CCDC62: variants seen among roughly 807,000 people sequenced by gnomAD.
The protein encoded by CCDC62 is coiled-coil domain containing 62.
A neutral mutation model predicts 80.8 loss-of-function variants in CCDC62; 72 were observed. The ratio of observed to expected loss-of-function variants is 0.89; its 90% CI spans 0.74 to 1.08. CCDC62 has a LOEUF of 1.08. Among genes scored for constraint, CCDC62 ranks in the 50% least tolerant of loss-of-function variants. The probability of loss-of-function intolerance (pLI) is 0.00; values close to 1 mark genes in which losing one functional copy is unlikely to be tolerated. For synonymous variants in CCDC62, 286 were observed against 296.5 expected, an observed-to-expected ratio of 0.96 and a Z score of 0.36; for missense variants, 704 against 809.4, an observed-to-expected ratio of 0.87 and a Z score of 1.58.
At position 122,788,860 on chromosome 12, in the gene CCDC62, A is replaced by G. The variant is rs1457408352; in HGVS notation, c.601A>G (p.Ile201Val). The change falls in exon 5 of 13, where the codon ATT becomes GTT. Residue 201 changes from isoleucine (I) to valine (V), a missense_variant. Coordinates refer to ENST00000253079, the MANE Select transcript of CCDC62 (RefSeq NM_201435.5). ...TGATGCCAAGATGGCGGAGACTTGT[A>G]TTGTGAAAGAAAAGCAAGATTATAA... ...LRDAKMAETC[I>V]VKEKQDYKQK... is the part of the protein sequence containing the mutation. 6.2e-7 allele frequency: 1 copy of G among 1,611,494 alleles called. No individual in the cohort carries two copies. The highest frequency in any genetic ancestry group is 2.2e-5 in the East Asian group (1 of 44,816).
Position 122,777,471 on chromosome 12 carries a change from A to AATGTTTAG in CCDC62, c.37-19_37-18insTGTTTAGA, listed in dbSNP as rs1879536502. The AATGTTTAG allele has an allele frequency of 1.9e-6, 3 of 1,585,354 alleles. No homozygotes were observed. Among genetic ancestry groups the AATGTTTAG allele is most frequent in the Non-Finnish European group, 2.6e-6 (3 of 1,164,954 alleles). ...ATTGATTTCATTCTATTTTGATGTG[A>AATGTTTAG]AACCGCTTTCTATGTTTAGAACATC... On this transcript the variant is annotated intron_variant, in intron 1 of 12. Coordinates refer to ENST00000253079, the MANE Select transcript of CCDC62 (RefSeq NM_201435.5).
intron 3 of CCDC62, 113 bp from the exon 4 acceptor site, chr12:122,785,606 C>G (rs2030162469): frequency 6.9e-6 from 5 of 720,748 alleles, no homozygotes; most frequent in Non-Finnish European, 9.9e-6. Context: ...TTGTTACTAA[C>G]GAGTTAAACA....
intron 3 of CCDC62, among the ~76,000 whole-genome samples, chr12:122,782,050 G>T (rs1414038395): frequency 6.8e-6 from 1 of 146,566 alleles, no homozygotes; most frequent in Non-Finnish European, 1.5e-5. Context: ...AAAAGCGTAT[G>T]TAAGCCAAGC....
intron 3 of CCDC62, among the ~76,000 whole-genome samples, chr12:122,781,905 G>C (rs1463652802): frequency 6.6e-6 from 1 of 151,570 alleles, no homozygotes; most frequent in Non-Finnish European, 1.5e-5. Context: ...TGAGCTGGGT[G>C]TGGGGGTGCA....
intron 8 of CCDC62, 80 bp from the exon 9 acceptor site, chr12:122,801,044 C>A: frequency 7.0e-7 from 1 of 1,435,500 alleles, no homozygotes; most frequent in Non-Finnish European, 9.4e-7. Flanking sequence ...TTTAGCTCTA[C>A]TGAGTTTTGG....
Position 122,801,395 on chromosome 12 carries a change from A to G in CCDC62, c.1249A>G (p.Thr417Ala), listed in dbSNP as rs1401536678. 3 of 1,614,062 alleles carry G rather than the reference A, an allele frequency of 1.9e-6. No homozygotes were observed. The highest frequency in any genetic ancestry group is 1.1e-5 in the South Asian group (1 of 91,076). The change falls in exon 9 of 13, where the codon ACC becomes GCC. Residue 417 changes from threonine (T) to alanine (A), a missense_variant. Physicochemically the swap from Thr to Ala is moderately conservative, Grantham distance 58. Transcript: ENST00000253079. ...CCTCCCTTGGTCTCTGGGAGGAAAA[A>G]CCCAGATTGAACCCGAAAACAAAAT... is the stretch of plus-strand genomic sequence containing the variant. ...HNLPWSLGGK[T>A]QIEPENKITL... is the part of the protein sequence containing the mutation.
At chr12:122,808,236 G>A (rs1194953327) in intron 10 of CCDC62, among the ~76,000 whole-genome samples, 1 of 152,134 alleles carries the variant, frequency 6.6e-6, no homozygotes, top group African/African-American at 2.4e-5. Context: ...GGCAGGGGTT[G>A]CAGTGAACCA....
chr12:122,781,747 T>C (rs1879884613), intron 3 of CCDC62, among the ~76,000 whole-genome samples: 1 of 151,858 alleles, frequency 6.6e-6, no homozygotes, highest in Non-Finnish European at 1.5e-5. Flanking sequence ...CATGTGAGGC[T>C]GGGCACAGTG....
intron 12 of CCDC62, among the ~76,000 whole-genome samples, chr12:122,825,460 C>T (rs2032579456): frequency 6.7e-6 from 1 of 150,178 alleles, no homozygotes; most frequent in Non-Finnish European, 1.5e-5. Flanking sequence ...GATTCTCCTG[C>T]TTCAGCCTCC....
intron 10 of CCDC62, among the ~76,000 whole-genome samples, chr12:122,810,105 A>G (rs2031803832): frequency 6.6e-6 from 1 of 152,020 alleles, no homozygotes; most frequent in Non-Finnish European, 1.5e-5. Flanking sequence ...GGACATAGGC[A>G]TGGGCAAGGA....
intron 1 of CCDC62, among the ~76,000 whole-genome samples, chr12:122,775,194 C>T (rs182549436): frequency 1.4e-4 from 22 of 152,204 alleles, no homozygotes; most frequent in Admixed American, 2.6e-4. Context: ...CAGCCCGGGC[C>T]ACAGAGTAGC....
rs753527671 is a variant in CCDC62 at position 122,801,700 on chromosome 12, G to A, written c.1554G>A (p.Pro518=). ...SGMCDSKCCH[P]SNFIIEAPGH... is the part of the protein sequence containing the mutation. ...TGTGTGACTCCAAGTGCTGCCACCCGAGTAACTTCATAATTGAAGCCCCAG... is the reference window on the plus strand; with the variant it reads ...TGTGTGACTCCAAGTGCTGCCACCCAAGTAACTTCATAATTGAAGCCCCAG... The change falls in exon 9 of 13, where the codon CCG becomes CCA. Residue 518 remains proline, a synonymous_variant. Transcript: ENST00000253079. 1.3e-5 allele frequency: 21 copies of A among 1,614,034 alleles called. No individual in the cohort carries two copies. Among genetic ancestry groups the A allele is most frequent in the South Asian group, 4.4e-5 (4 of 91,074 alleles).
At chr12:122,776,205 A>C (rs566577124) in intron 1 of CCDC62, among the ~76,000 whole-genome samples, 1 of 152,236 alleles carries the variant, frequency 6.6e-6, no homozygotes, top group African/African-American at 2.4e-5. Context: ...TGCAGTTGCT[A>C]TCGTTTTACA....
At chr12:122,795,100 G>T (rs1238176455) in intron 6 of CCDC62, among the ~76,000 whole-genome samples, 3 of 152,108 alleles carry the variant, frequency 2.0e-5, no homozygotes, top group Non-Finnish European at 4.4e-5. Context: ...GCCTAGGCTG[G>T]AGTGTAGTGG....
chr12:122,800,645 T>A (rs957597940), intron 8 of CCDC62, among the ~76,000 whole-genome samples: 1 of 152,074 alleles, frequency 6.6e-6, no homozygotes, highest in Non-Finnish European at 1.5e-5. Context: ...AGGCTGGGTC[T>A]CGAACTCCTG....
In CCDC62 at chr12:122,827,244, A is replaced by T. The variant is rs1000894826; in HGVS notation, c.*863A>T. On this transcript the variant is annotated 3_prime_UTR_variant, in exon 13 of 13. Coordinates refer to ENST00000253079, the MANE Select transcript of CCDC62 (RefSeq NM_201435.5). ...TTTCCTTGGTTTCTTTTTATTTTAC[A>T]GGAGTAAAATAAGGAAGGAACGTTC... 1.3e-5 allele frequency: 2 copies of T among 152,202 alleles called. No individual in the cohort carries two copies. The highest frequency in any genetic ancestry group is 2.9e-5 in the Non-Finnish European group (2 of 68,038). 9.4% of individuals were successfully genotyped at this position (152,202 alleles called of 1,614,324 possible). A position where few individuals can be genotyped will look rare whatever the true frequency, so the allele number is the denominator to read the frequency against.
chr12:122,777,111 C>A (rs1879508779), intron 1 of CCDC62: 1 of 165,170 alleles, frequency 6.1e-6, no homozygotes, highest in Non-Finnish European at 1.3e-5. Flanking sequence ...TTCATGTTTA[C>A]CTGTACTTGG....
At chr12:122,784,529 G>T (rs566314855) in intron 3 of CCDC62, among the ~76,000 whole-genome samples, 1 of 150,934 alleles carries the variant, frequency 6.6e-6, no homozygotes, top group South Asian at 2.1e-4. Flanking sequence ...CAAAAATAAT[G>T]ATAATAATAA....
intron 6 of CCDC62, among the ~76,000 whole-genome samples, chr12:122,792,948 G>A (rs1025152155): frequency 1.3e-5 from 2 of 152,032 alleles, no homozygotes; most frequent in African/African-American, 2.4e-5. Flanking sequence ...CAGCTTAAGC[G>A]TGTGACTCTG....
Sources: allele counts gnomAD v4.1 joint callset (sites outside exome capture counted in the v4.1 genomes callset), GRCh38; gene constraint gnomAD v4.1.1; transcripts MANE v1.5; gene names NCBI Gene and HGNC (gene_info 2026-07-23, HGNC 2026-07-21).